Variants in MAN1B1 observed in about 807,000 individuals in gnomAD.
The protein encoded by MAN1B1 is mannosidase alpha class 1B member 1, also known as endoplasmic reticulum mannosyl-oligosaccharide 1,2-alpha-mannosidase.
MAN1B1 carries 66 observed loss-of-function variants against 75.5 expected under a neutral mutation model. The ratio of observed to expected loss-of-function variants is 0.87; its 90% CI spans 0.72 to 1.07. The LOEUF (loss-of-function observed/expected upper bound fraction) is 1.07. Ranked by LOEUF, MAN1B1 falls within the 50% of genes least tolerant of loss-of-function variation. The pLI, the probability that MAN1B1 is intolerant of heterozygous loss-of-function variation, is 0.00. For missense variants in MAN1B1, 973 were observed against 912.5 expected (o/e 1.07, Z -0.85); for synonymous variants, 453 against 382.8 (o/e 1.18, Z -2.14).
At chr9:137,093,921 G>C (rs1830586031) in intron 3 of MAN1B1, among the ~76,000 whole-genome samples, 1 of 151,984 alleles carries the variant, frequency 6.6e-6, no homozygotes, top group African/African-American at 2.4e-5. Context: ...TGTTTTTAAA[G>C]ATGATTTTAA....
At chr9:137,094,971 T>A (rs1001727790) in intron 3 of MAN1B1, among the ~76,000 whole-genome samples, 6 of 151,888 alleles carry the variant, frequency 4.0e-5, no homozygotes, top group Non-Finnish European at 7.4e-5. Flanking sequence ...GTAGATCACC[T>A]GAGGTCAGGA....
chr9:137,089,753 G>T (rs1190017321), intron 3 of MAN1B1, among the ~76,000 whole-genome samples: 1 of 152,168 alleles, frequency 6.6e-6, no homozygotes, highest in African/African-American at 2.4e-5. Flanking sequence ...AGCTGAGTGG[G>T]GGGAGGAGTG....
Position 137,102,007 on chromosome 9 carries a change from A to C in MAN1B1, c.1254+335A>C, listed in dbSNP as rs1317998125. The C allele has an allele frequency of 7.9e-6, 4 of 508,598 alleles. No homozygotes were observed. In the East Asian group the frequency reaches 2.0e-4, roughly 26 times the overall value. 31.5% of individuals were successfully genotyped at this position (508,598 alleles called of 1,614,324 possible). On this transcript the variant is annotated intron_variant, in intron 8 of 12. Transcript: ENST00000371589. ...CAGGAGTACAGGTCGGTGGTGTTAC[A>C]CACATTCATGCTGTTGCAGGCGTGC...
chr9:137,106,449 G>T, intron 9 of MAN1B1, 134 bp downstream of exon 9: 2 of 1,017,340 alleles, frequency 2.0e-6, no homozygotes, highest in East Asian at 2.6e-5. Context: ...AACCGCAGCC[G>T]TGCCAGGCCT....
rs374795596 is a variant in MAN1B1, at chr9:137,088,879, C to T, written c.339C>T (p.Phe113=). 25 of 1,613,818 alleles carry T rather than the reference C, an allele frequency of 1.5e-5. No individual in the cohort carries two copies. Among genetic ancestry groups the T allele is most frequent in the Non-Finnish European group, 1.8e-5 (21 of 1,180,034 alleles). ...GCTTCTGTTATTCAGCTCTGGCTTT[C>T]AGGCTAGAGGAAGAGCAGAAGATGA... ...NLADHWKALA[F]RLEEEQKMRP... Residue 113 remains phenylalanine (F), a synonymous_variant, in exon 3 of 13, where the codon TTC becomes TTT. Transcript: ENST00000371589.
At position 137,100,545 on chromosome 9, in the gene MAN1B1, T is replaced by TG. The variant is rs1436077261; in HGVS notation, c.917-458dup. 2.0e-5 allele frequency among the ~76,000 whole-genome samples: 3 copies of TG among 152,190 alleles called. No homozygotes were observed. The East Asian group carries it at 5.8e-4, about 29-fold the overall frequency. ...TGTTTTTGTTTTTTTGTTTTTGAGA[T>TG]GGAGTCTTTCACTGTCTCCTGGGCT... On this transcript the variant is annotated intron_variant, in intron 6 of 12. Transcript: ENST00000371589.
chr9:137,107,042 G>A, intron 10 of MAN1B1: 1 of 746,386 alleles, frequency 1.3e-6, no homozygotes, highest in Non-Finnish European at 2.1e-6. Flanking sequence ...TGCCCGGTGT[G>A]TAGCAGGTCC....
chr9:137,087,042 T>A lies in MAN1B1; in HGVS notation c.43T>A (p.Ser15Thr), dbSNP rs1830384988. The change falls in exon 1 of 13, where the codon TCT becomes ACT. Residue 15 changes from serine to threonine, a missense_variant. Ser to Thr is a moderately conservative substitution (Grantham distance 58). Transcript: ENST00000371589. ...EGRRSGALGS[S>T]QSDFLTPPVG... The stretch of plus-strand genomic sequence containing the variant: ...CAGGAGAAGCGGAGCTCTCGGTTCC[T>A]CTCAGTCGGACTTCCTGACGCCGCC... 6.2e-7 allele frequency: 1 copy of A among 1,604,132 alleles called. No homozygotes were observed.
Position 137,099,687 on chromosome 9 carries a change from C to A in MAN1B1, c.731-9C>A. The A allele has an allele frequency of 3.7e-6, 6 of 1,614,098 alleles. No individual in the cohort carries two copies. The highest frequency in any genetic ancestry group is 5.1e-6 in the Non-Finnish European group (6 of 1,180,016). On this transcript the variant is annotated splice_polypyrimidine_tract_variant and intron_variant, in intron 5 of 12. Transcript: ENST00000371589. ...TCCGCCATGGCCTGTGCTCTCTCCCCCCTACTAGTGCATCTGAACTATCGC... is the reference window on the plus strand; with the variant it reads ...TCCGCCATGGCCTGTGCTCTCTCCCACCTACTAGTGCATCTGAACTATCGC...
At chr9:137,107,145 G>A (rs1434927717) in intron 10 of MAN1B1, 105 bp from the exon 11 acceptor site, 3 of 1,276,076 alleles carry the variant, frequency 2.4e-6, no homozygotes, top group South Asian at 1.4e-5. Context: ...CCCTCCCAGG[G>A]TACCAGGGCC....
At chr9:137,107,996 C>G in intron 12 of MAN1B1, 1 of 621,076 alleles carries the variant, frequency 1.6e-6, no homozygotes, top group Non-Finnish European at 2.9e-6. Flanking sequence ...GGCACCATCC[C>G]CACTGTGGAC....
chr9:137,090,818 T>G (rs1411524482), intron 3 of MAN1B1, among the ~76,000 whole-genome samples: 1 of 152,210 alleles, frequency 6.6e-6, no homozygotes, highest in Non-Finnish European at 1.5e-5. Flanking sequence ...ATTACAGACA[T>G]GAGCCACCAT....
chr9:137,107,503 C>G, intron 11 of MAN1B1, 28 bp from the exon 12 acceptor site: 1 of 1,613,006 alleles, frequency 6.2e-7, no homozygotes, highest in Non-Finnish European at 8.5e-7. Context: ...CAGGGCTGGC[C>G]TTGCCCTGAG....
chr9:137,107,235 A>C lies in MAN1B1; in HGVS notation c.1567-15A>C. ...GGGCCTGGGATCTGGGGCTGAAGAG[A>C]CCCTCTGATTCCAGGACCACCTGGT... On this transcript the variant is annotated splice_polypyrimidine_tract_variant and intron_variant, in intron 10 of 12. Coordinates refer to ENST00000371589, the MANE Select transcript of MAN1B1 (RefSeq NM_016219.5). The C allele has an allele frequency of 2.5e-6, 4 of 1,611,688 alleles. No individual in the cohort carries two copies. Among genetic ancestry groups the C allele is most frequent in the Non-Finnish European group, 3.4e-6 (4 of 1,179,182 alleles).
At chr9:137,096,163 G>C in intron 3 of MAN1B1, 74 bp from the exon 4 acceptor site, 1 of 1,523,516 alleles carries the variant, frequency 6.6e-7, no homozygotes, top group Non-Finnish European at 9.1e-7. Context: ...CTGCACCTGA[G>C]GGCGTCCCAT....
rs1831130497 is a variant in MAN1B1, at chr9:137,106,903, C to T, written c.1566+94C>T. On this transcript the variant is annotated intron_variant, in intron 10 of 12. Transcript: ENST00000371589. ...GATGTCAAAAAGAACGAAATCCTGG[C>T]CATGGCGCCCACGTGGAGGCCCTGG... 4 of 1,527,744 alleles carry T rather than the reference C, an allele frequency of 2.6e-6. No homozygotes were observed. In the Admixed American group the frequency reaches 5.4e-5, roughly 21 times the overall value. 94.6% of individuals were successfully genotyped at this position (1,527,744 alleles called of 1,614,324 possible).
chr9:137,104,093 C>T (rs1831008996), intron 8 of MAN1B1: 1 of 456,866 alleles, frequency 2.2e-6, no homozygotes, highest in Non-Finnish European at 4.4e-6. Flanking sequence ...GAGCCCTTTT[C>T]ATCTTAAAAC....
chr9:137,104,603 A>G (rs528229175), intron 8 of MAN1B1: 2 of 170,198 alleles, frequency 1.2e-5, no homozygotes, highest in Non-Finnish European at 2.6e-5. Flanking sequence ...TGCTTCAGAG[A>G]TTCCTTTTTC....
intron 9 of MAN1B1, 167 bp from the exon 10 acceptor site, chr9:137,106,522 A>AG (rs1263603316): frequency 2.3e-5 from 27 of 1,161,904 alleles, no homozygotes; most frequent in Admixed American, 7.7e-5. Flanking sequence ...TGGGGGGGTG[A>AG]GGGGGGCATC....
Sources: allele counts gnomAD v4.1 joint callset (sites outside exome capture counted in the v4.1 genomes callset), GRCh38; gene constraint gnomAD v4.1.1; transcripts MANE v1.5; gene names NCBI Gene and HGNC (gene_info 2026-07-23, HGNC 2026-07-21).